WDFY3: variants seen among roughly 807,000 people sequenced by gnomAD.
WDFY3 encodes the protein WD repeat and FYVE domain-containing protein 3.
In WDFY3, 66 loss-of-function variants were observed where a neutral mutation model predicts 409.6. That is an observed-to-expected ratio of 0.16 (90% CI 0.13 to 0.20). WDFY3 has a LOEUF of 0.20. Among genes scored for constraint, WDFY3 ranks in the 10% least tolerant of loss-of-function variants. WDFY3 has a pLI of 1.00. For missense variants in WDFY3, 3,031 were observed against 4,298.1 expected, an observed-to-expected ratio of 0.71 and a Z score of 8.24; for synonymous variants, 1,521 against 1,537.1, an observed-to-expected ratio of 0.99 and a Z score of 0.25.
chr4:84,840,970 G>A (rs534702095), intron 6 of WDFY3, among the ~76,000 whole-genome samples, 184 bp downstream of exon 6: 1 of 152,020 alleles, frequency 6.6e-6, no homozygotes, highest in Non-Finnish European at 1.5e-5. Context: ...AAAATGCATC[G>A]AACATCAAAC....
intron 29 of WDFY3, among the ~76,000 whole-genome samples, chr4:84,774,359 C>T (rs534524757): frequency 4.6e-5 from 7 of 152,316 alleles, no homozygotes; most frequent in African/African-American, 1.7e-4. Context: ...CAAAATAATA[C>T]TTATATCATA....
intron 58 of WDFY3, among the ~76,000 whole-genome samples, chr4:84,695,499 C>CAGAGAG (rs1217791319): frequency 0.014 from 1,032 of 72,620 alleles, 8 homozygotes; most frequent in African/African-American, 0.033. Context: ...CACACAGAGA[C>CAGAGAG]AGAGAGAGAT....
At chr4:84,724,294 T>G in intron 46 of WDFY3, 132 bp downstream of exon 46, 186 of 975,850 alleles carry the variant, frequency 1.9e-4, no homozygotes, top group Non-Finnish European at 2.5e-4. Flanking sequence ...TTAAGAAGGG[T>G]GAGATGGTAA....
intron 58 of WDFY3, among the ~76,000 whole-genome samples, chr4:84,695,509 TAGAGAGAGAGAGAG>T (rs869147060): frequency 3.5e-4 from 38 of 107,286 alleles, no homozygotes; most frequent in Admixed American, 8.9e-4. Context: ...CAGAGAGAGA[TAGAGAGAGAGAGAG>T]AGAGAGAGAG....
chr4:84,760,501 A>G (rs1742361488), intron 32 of WDFY3, among the ~76,000 whole-genome samples: 1 of 152,176 alleles, frequency 6.6e-6, no homozygotes, highest in Non-Finnish European at 1.5e-5. Flanking sequence ...TGGTCTATTC[A>G]GAGATTCAAC....
At chr4:84,743,901 C>A (rs780575079) in intron 36 of WDFY3, 102 bp from the exon 37 acceptor site, 19 of 685,930 alleles carry the variant, frequency 2.8e-5, no homozygotes, top group African/African-American at 1.7e-4. Flanking sequence ...TTAAAAAATT[C>A]TACTAATAAA....
At chr4:84,927,886 T>C (rs573787479) in intron 2 of WDFY3, among the ~76,000 whole-genome samples, 7 of 152,336 alleles carry the variant, frequency 4.6e-5, no homozygotes, top group South Asian at 2.1e-4. Flanking sequence ...TATACCCAGA[T>C]AGCTGGTAAA....
rs1302115606 is a variant in WDFY3, at chr4:84,780,275, G to T, written c.4198C>A (p.Pro1400Thr). 1.3e-5 allele frequency: 21 copies of T among 1,610,004 alleles called. No individual in the cohort carries two copies. Among genetic ancestry groups the T allele is most frequent in the Non-Finnish European group, 1.8e-5 (21 of 1,178,944 alleles). ...ACGTACTGCAAAGTAGTGGCAACAG[G>T]CTTAGGGACAAATGTTCTTACTCCT... ...YLGVRTFVPK[P>T]VATTLQYVGG... The change falls in exon 26 of 68, where the codon CCT becomes ACT. Residue 1400 changes from proline to threonine, a missense_variant. By Grantham distance (38) the Pro-to-Thr change is conservative (BLOSUM62 -1). Around this residue, in one of 16 missense-constraint regions of WDFY3, gnomAD observed 1,322 missense variants for 1,697.9 expected, o/e 0.78. Coordinates refer to ENST00000295888, the MANE Select transcript of WDFY3 (RefSeq NM_014991.6).
Position 84,748,994 on chromosome 4 carries a change from C to T in WDFY3, c.5973+2489G>A, listed in dbSNP as rs528753497. On this transcript the variant is annotated intron_variant, in intron 36 of 67. Transcript: ENST00000295888. ...GCAACTTTGAACACCTGGGCTCAAG[C>T]GATCCTTCCACCTTAGCCTCCAGTA... Among the ~76,000 whole-genome samples the T allele has an allele frequency of 2.0e-5, 3 of 151,960 alleles. No homozygotes were observed. In the East Asian group the frequency reaches 5.8e-4, roughly 29 times the overall value.
At chr4:84,843,250 C>T (rs1433107023) in intron 5 of WDFY3, among the ~76,000 whole-genome samples, 1 of 152,140 alleles carries the variant, frequency 6.6e-6, no homozygotes. Context: ...TTCCAAACTC[C>T]ATCGACAAAA....
chr4:84,780,694 T>C (rs892823330), intron 25 of WDFY3, among the ~76,000 whole-genome samples: 1 of 151,670 alleles, frequency 6.6e-6, no homozygotes, highest in Admixed American at 6.6e-5. Context: ...AACCTAGGAG[T>C]TGGAGGTTGC....
intron 58 of WDFY3, among the ~76,000 whole-genome samples, chr4:84,694,276 G>T (rs1025275569): frequency 2.0e-5 from 3 of 152,192 alleles, no homozygotes; most frequent in Non-Finnish European, 4.4e-5. Flanking sequence ...AGGACCTAAG[G>T]AGAGAGCACT....
At chr4:84,826,755 G>A in intron 10 of WDFY3, 60 bp downstream of exon 10, 2 of 1,485,394 alleles carry the variant, frequency 1.3e-6, no homozygotes, top group South Asian at 2.9e-5. Context: ...ACCAAAATAA[G>A]ACAAATTCAT....
chr4:84,724,331 G>T, intron 46 of WDFY3, 95 bp downstream of exon 46: 2 of 1,371,950 alleles, frequency 1.5e-6, no homozygotes, highest in Non-Finnish European at 2.0e-6. Context: ...TTTAAAGTTG[G>T]CCCTACTATT....
chr4:84,781,451 C>T (rs558607562), intron 25 of WDFY3, among the ~76,000 whole-genome samples: 117 of 140,078 alleles, frequency 8.4e-4, no homozygotes, highest in Non-Finnish European at 1.6e-3. Context: ...AATGCAGTGG[C>T]TCAATCACAG....
intron 10 of WDFY3, among the ~76,000 whole-genome samples, chr4:84,825,025 T>C (rs947512271): frequency 4.6e-5 from 7 of 152,186 alleles, no homozygotes; most frequent in African/African-American, 1.4e-4. Context: ...CCTTTCTAGA[T>C]AGCCTTACTT....
intron 44 of WDFY3, 90 bp downstream of exon 44, chr4:84,733,292 G>T (rs995501351): frequency 8.1e-6 from 11 of 1,352,860 alleles, no homozygotes; most frequent in Non-Finnish European, 1.0e-5. Flanking sequence ...TTAGCTATTT[G>T]AGGTAATTGA....
chr4:84,759,820 G>T, intron 32 of WDFY3, among the ~76,000 whole-genome samples: 1 of 150,286 alleles, frequency 6.7e-6, no homozygotes, highest in African/African-American at 2.5e-5. Context: ...AATTGCCCTG[G>T]CCAGAACTTC....
intron 13 of WDFY3, among the ~76,000 whole-genome samples, chr4:84,812,550 T>C (rs1298969869): frequency 2.0e-5 from 3 of 151,782 alleles, no homozygotes; most frequent in Non-Finnish European, 4.4e-5. Flanking sequence ...TAAGAACCCT[T>C]AGAGAAGTGC....
Sources: gnomAD v4.1 joint callset for allele counts (sites outside exome capture counted in the v4.1 genomes callset) on GRCh38, gnomAD v4.1.1 for gene constraint, gnomAD v4.1.1 regional missense constraint, MANE v1.5 for transcripts, NCBI Gene and HGNC (gene_info 2026-07-23, HGNC 2026-07-21) for gene names.